Variants in PIK3C2A observed in about 807,000 individuals in gnomAD.
PIK3C2A encodes phosphatidylinositol-4-phosphate 3-kinase catalytic subunit type 2 alpha.
PIK3C2A carries 97 observed loss-of-function variants against 204.5 expected under a neutral mutation model. The ratio of observed to expected loss-of-function variants is 0.47; its 90% confidence interval spans 0.40 to 0.56. The LOEUF (loss-of-function observed/expected upper bound fraction) is 0.56, where lower values mean the gene tolerates loss of function less well. Among genes scored for constraint, PIK3C2A ranks in the 20% least tolerant of loss-of-function variants. PIK3C2A has a pLI of 0.00. For missense variants in PIK3C2A, 1,735 were observed against 1,969.2 expected, an observed-to-expected ratio of 0.88 and a Z score of 2.25; for synonymous variants, 653 against 664.4, an observed-to-expected ratio of 0.98 and a Z score of 0.26.
At chr11:17,145,302 C>A (rs528061169) in intron 8 of PIK3C2A, among the ~76,000 whole-genome samples, 1 of 152,136 alleles carries the variant, frequency 6.6e-6, no homozygotes, top group Non-Finnish European at 1.5e-5. Context: ...ATAATCCCCA[C>A]GTGTCAAGGG....
At chr11:17,113,924 A>G (rs1292629932) in intron 20 of PIK3C2A, among the ~76,000 whole-genome samples, 17 of 151,088 alleles carry the variant, frequency 1.1e-4, no homozygotes, top group Admixed American at 1.1e-3. Context: ...TACTAAAAAT[A>G]CAAAAATTAG....
At chr11:17,144,894 C>CAGA (rs1850180896) in intron 8 of PIK3C2A, among the ~76,000 whole-genome samples, 1 of 78,090 alleles carries the variant, frequency 1.3e-5, no homozygotes, top group East Asian at 1.1e-3. Flanking sequence ...GACTCAGCCT[C>CAGA]AAAAAAAAAA....
At chr11:17,127,692 G>T (rs1849567795) in intron 13 of PIK3C2A, among the ~76,000 whole-genome samples, 1 of 152,048 alleles carries the variant, frequency 6.6e-6, no homozygotes, top group African/African-American at 2.4e-5. Context: ...TCCTATTATT[G>T]TCAACAGATG....
intron 1 of PIK3C2A, among the ~76,000 whole-genome samples, chr11:17,172,713 C>T (rs1296628296): frequency 2.0e-5 from 3 of 152,188 alleles, no homozygotes; most frequent in South Asian, 2.1e-4. Flanking sequence ...CTTTCTAAGG[C>T]GACTTCCTCC....
At chr11:17,141,488 T>C (rs1850063614) in intron 8 of PIK3C2A, 1 of 152,170 alleles carries the variant, frequency 6.6e-6, no homozygotes, top group South Asian at 2.1e-4. Flanking sequence ...TTTAAATTTA[T>C]AGACAGTTAT....
chr11:17,156,883 T>C (rs1850612030), intron 2 of PIK3C2A, among the ~76,000 whole-genome samples: 1 of 152,146 alleles, frequency 6.6e-6, no homozygotes, highest in Non-Finnish European at 1.5e-5. Context: ...TGCACACTTG[T>C]AGTCCCAGGT....
At chr11:17,094,060 T>A (rs936723970) in intron 28 of PIK3C2A, among the ~76,000 whole-genome samples, 23 of 152,224 alleles carry the variant, frequency 1.5e-4, no homozygotes, top group Non-Finnish European at 1.6e-4. Flanking sequence ...TATTTTAACA[T>A]CCCGATCATT....
At chr11:17,171,291 T>A (rs1338125915) in intron 1 of PIK3C2A, among the ~76,000 whole-genome samples, 1 of 152,172 alleles carries the variant, frequency 6.6e-6, no homozygotes, top group African/African-American at 2.4e-5. Context: ...GTATTATTAA[T>A]CTAATCTGGT....
chr11:17,142,363 T>C (rs11024166), intron 8 of PIK3C2A, among the ~76,000 whole-genome samples: 189 of 152,082 alleles, frequency 1.2e-3, no homozygotes, highest in African/African-American at 4.3e-3. Context: ...TATGCTAATG[T>C]TTGGTAGTCA....
intron 18 of PIK3C2A, 56 bp from the exon 19 acceptor site, chr11:17,117,727 TTTTTTG>T: frequency 8.6e-7 from 1 of 1,161,678 alleles, no homozygotes; most frequent in Non-Finnish European, 1.2e-6. Flanking sequence ...TTTTTTTTTT[TTTTTTG>T]AGACGGAGCC....
At chr11:17,098,776 A>AG (rs1848528596) in intron 26 of PIK3C2A, among the ~76,000 whole-genome samples, 1 of 152,202 alleles carries the variant, frequency 6.6e-6, no homozygotes, top group South Asian at 2.1e-4. Context: ...AGAAGGCAAG[A>AG]GAAAAAGGAG....
chr11:17,094,886 T>G (rs1332316230), intron 27 of PIK3C2A, among the ~76,000 whole-genome samples: 2 of 152,214 alleles, frequency 1.3e-5, no homozygotes, highest in Non-Finnish European at 2.9e-5. Context: ...ATATAAGTCA[T>G]TGTATTTATA....
chr11:17,110,159 C>T (rs1228920131), intron 22 of PIK3C2A, among the ~76,000 whole-genome samples: 1 of 152,028 alleles, frequency 6.6e-6, no homozygotes, highest in Admixed American at 6.6e-5. Context: ...CACCATGTTG[C>T]CCAGGTTGGA....
chr11:17,119,288 G>A lies in PIK3C2A; in HGVS notation c.2872C>T (p.Leu958=). ...ATGGCCTCAATCCAGGTCACAGCTA[G>A]GGATCTTACTTCCTGATCAGCAAAT... ...SKFADQEVRS[L]AVTWIEAISD... is the part of the protein sequence containing the mutation. Residue 958 remains leucine, a synonymous_variant, in exon 17 of 33, where the codon CTA becomes TTA. Transcript: ENST00000691414. 1 of 1,602,964 alleles carries A rather than the reference G, an allele frequency of 6.2e-7. No homozygotes were observed. The highest frequency in any genetic ancestry group is 8.5e-7 in the Non-Finnish European group (1 of 1,170,838).
At chr11:17,134,652 T>C (rs764121048) in intron 11 of PIK3C2A, among the ~76,000 whole-genome samples, 167 bp downstream of exon 11, 1 of 152,192 alleles carries the variant, frequency 6.6e-6, no homozygotes, top group Non-Finnish European at 1.5e-5. Flanking sequence ...TGAGCCACCG[T>C]GCCTGACTGG....
intron 32 of PIK3C2A, among the ~76,000 whole-genome samples, chr11:17,090,829 T>G (rs982125599): frequency 6.6e-6 from 1 of 151,972 alleles, no homozygotes; most frequent in Admixed American, 6.6e-5. Context: ...GGCCTTGACC[T>G]CCTGGGCTCA....
chr11:17,104,431 AATAATCTGC>A (rs1302474609), intron 23 of PIK3C2A, among the ~76,000 whole-genome samples: 1 of 152,172 alleles, frequency 6.6e-6, no homozygotes, highest in Non-Finnish European at 1.5e-5. Context: ...AAAGATGTTA[AATAATCTGC>A]ATAGGTCAGG....
chr11:17,110,919 A>T (rs1848982288), intron 21 of PIK3C2A, among the ~76,000 whole-genome samples: 2 of 151,834 alleles, frequency 1.3e-5, no homozygotes, highest in African/African-American at 4.8e-5. Flanking sequence ...TTATTTATTT[A>T]TTTTTTGAGA....
intron 8 of PIK3C2A, chr11:17,138,176 A>G: frequency 1.1e-6 from 1 of 876,990 alleles, no homozygotes; most frequent in Non-Finnish European, 1.9e-6. Context: ...CTCAAAGTCT[A>G]CCTGGGTACA....
Sources: gnomAD v4.1 joint callset for allele counts (sites outside exome capture counted in the v4.1 genomes callset) on GRCh38, gnomAD v4.1.1 for gene constraint, MANE v1.5 for transcripts, NCBI Gene and HGNC (gene_info 2026-07-23, HGNC 2026-07-21) for gene names.